KCNH8: variants seen among roughly 807,000 people sequenced by gnomAD.
KCNH8 encodes the protein potassium voltage-gated channel subfamily H member 8, also known as voltage-gated delayed rectifier potassium channel KCNH8.
KCNH8 carries 70 observed loss-of-function variants against 103.6 expected under a neutral mutation model. The ratio of observed to expected loss-of-function variants is 0.68; its 90% CI spans 0.56 to 0.82. The LOEUF (loss-of-function observed/expected upper bound fraction) is 0.82. KCNH8 is among the 40% of genes least tolerant of loss of function. The pLI, the probability that KCNH8 is intolerant of heterozygous loss-of-function variation, is 0.00. For synonymous variants in KCNH8, 498 were observed against 489.4 expected (o/e 1.02, Z -0.23); for missense variants, 1,217 against 1,329.9 (o/e 0.92, Z 1.32).
intron 4 of KCNH8, among the ~76,000 whole-genome samples, chr3:19,345,644 T>C (rs1232397427): frequency 6.6e-6 from 1 of 152,070 alleles, no homozygotes; most frequent in African/African-American, 2.4e-5. Flanking sequence ...TTTTTTACAA[T>C]TTTAAGAATT....
intron 1 of KCNH8, among the ~76,000 whole-genome samples, chr3:19,237,738 A>G (rs965229735): frequency 5.9e-5 from 9 of 152,354 alleles, no homozygotes; most frequent in South Asian, 2.1e-4. Context: ...ACTAAAGTAC[A>G]TGAACCACTG....
At chr3:19,461,022 A>G (rs2067617554) in intron 11 of KCNH8, among the ~76,000 whole-genome samples, 1 of 152,132 alleles carries the variant, frequency 6.6e-6, no homozygotes, top group African/African-American at 2.4e-5. Flanking sequence ...TAAATTACCC[A>G]GTCTCAGGTA....
chr3:19,404,831 C>T (rs918279594), intron 7 of KCNH8, among the ~76,000 whole-genome samples: 1 of 151,768 alleles, frequency 6.6e-6, no homozygotes, highest in Admixed American at 6.6e-5. Flanking sequence ...CGATTTATTT[C>T]CACTAATTAA....
intron 5 of KCNH8, among the ~76,000 whole-genome samples, chr3:19,351,944 A>C (rs1470829226): frequency 6.6e-6 from 1 of 152,160 alleles, no homozygotes; most frequent in African/African-American, 2.4e-5. Context: ...AGACTGGCAA[A>C]TTGGATAAAG....
intron 11 of KCNH8, among the ~76,000 whole-genome samples, chr3:19,473,547 C>A (rs537792763): frequency 6.6e-6 from 1 of 152,296 alleles, no homozygotes; most frequent in East Asian, 1.9e-4. Context: ...GTTCTTCATC[C>A]TTCCCTTGCT....
At chr3:19,401,730 T>C (rs1253214266) in intron 7 of KCNH8, among the ~76,000 whole-genome samples, 2 of 151,980 alleles carry the variant, frequency 1.3e-5, no homozygotes, top group Non-Finnish European at 2.9e-5. Context: ...AAGTAAAGTA[T>C]ATATAGCAAT....
chr3:19,248,530 A>C (rs759977370), intron 1 of KCNH8, among the ~76,000 whole-genome samples: 38 of 152,190 alleles, frequency 2.5e-4, no homozygotes, highest in Non-Finnish European at 5.3e-4. Flanking sequence ...TGGAGACTGA[A>C]ATAGGTAAAA....
At chr3:19,291,599 G>T (rs1358113637) in intron 3 of KCNH8, among the ~76,000 whole-genome samples, 1 of 152,202 alleles carries the variant, frequency 6.6e-6, no homozygotes, top group Admixed American at 6.5e-5. Context: ...TTGCACTGTG[G>T]TCTGAGAGAC....
At chr3:19,493,198 T>C (rs1301066219) in intron 11 of KCNH8, among the ~76,000 whole-genome samples, 1 of 152,138 alleles carries the variant, frequency 6.6e-6, no homozygotes, top group African/African-American at 2.4e-5. Flanking sequence ...GTCTTCCTAT[T>C]TGGATGCCTT....
At chr3:19,153,075 A>G (rs567143239) in intron 1 of KCNH8, among the ~76,000 whole-genome samples, 141 of 152,334 alleles carry the variant, frequency 9.3e-4, no homozygotes, top group Non-Finnish European at 1.6e-3. Context: ...TTAGAAGCAT[A>G]GGGAGAAGGA....
At chr3:19,499,505 G>C (rs928091265) in intron 11 of KCNH8, among the ~76,000 whole-genome samples, 4 of 152,154 alleles carry the variant, frequency 2.6e-5, no homozygotes, top group Non-Finnish European at 5.9e-5. Context: ...CACCAAAGTT[G>C]AAATGAAGGA....
chr3:19,315,340 A>G (rs1369329491), intron 3 of KCNH8, among the ~76,000 whole-genome samples: 2 of 151,988 alleles, frequency 1.3e-5, no homozygotes, highest in Non-Finnish European at 2.9e-5. Flanking sequence ...AAGCTGGGGG[A>G]CACAACTAAG....
At chr3:19,422,511 T>C (rs2125158113) in intron 7 of KCNH8, among the ~76,000 whole-genome samples, 1 of 152,222 alleles carries the variant, frequency 6.6e-6, no homozygotes, top group South Asian at 2.1e-4. Flanking sequence ...TTCCATATTT[T>C]AGCTGAAAAA....
At chr3:19,375,561 G>A (rs1422484535) in intron 5 of KCNH8, among the ~76,000 whole-genome samples, 23 of 148,620 alleles carry the variant, frequency 1.5e-4, no homozygotes, top group Non-Finnish European at 2.3e-4. Context: ...ATGTCCTCCC[G>A]TAGCTCAGAG....
chr3:19,481,278 T>G (rs902909110), intron 11 of KCNH8, among the ~76,000 whole-genome samples: 2 of 152,134 alleles, frequency 1.3e-5, no homozygotes, highest in African/African-American at 4.8e-5. Flanking sequence ...ATAATATATA[T>G]TATACTCATA....
chr3:19,486,070 C>T (rs1281025938), intron 11 of KCNH8, among the ~76,000 whole-genome samples: 4 of 152,246 alleles, frequency 2.6e-5, no homozygotes, highest in African/African-American at 9.6e-5. Context: ...GCTTCAATGA[C>T]AGCATCCAAA....
chr3:19,368,740 T>A (rs1387478356), intron 5 of KCNH8, among the ~76,000 whole-genome samples: 1 of 152,006 alleles, frequency 6.6e-6, no homozygotes, highest in Non-Finnish European at 1.5e-5. Flanking sequence ...AGTTATTGTG[T>A]CTTGGAATTG....
At chr3:19,171,317 T>G (rs1464586770) in intron 1 of KCNH8, among the ~76,000 whole-genome samples, 2 of 152,214 alleles carry the variant, frequency 1.3e-5, no homozygotes, top group African/African-American at 2.4e-5. Context: ...CGTTCTCACT[T>G]GCCAAGTTTT....
intron 1 of KCNH8, among the ~76,000 whole-genome samples, chr3:19,217,220 A>G (rs373089770): frequency 2.0e-5 from 3 of 152,148 alleles, no homozygotes; most frequent in East Asian, 1.9e-4. Flanking sequence ...ATTTCAGTTT[A>G]TTTAGATACA....
Sources: allele counts gnomAD v4.1 joint callset (sites outside exome capture counted in the v4.1 genomes callset), GRCh38; gene constraint gnomAD v4.1.1; transcripts MANE v1.5; gene names NCBI Gene and HGNC (gene_info 2026-07-23, HGNC 2026-07-21).